The following DCHS1 variants were observed in gnomAD, a reference collection of about 807,000 sequenced individuals.
DCHS1 encodes dachsous cadherin-related 1.
In DCHS1, 78 loss-of-function variants were observed where a neutral mutation model predicts 213.9. The ratio of observed to expected loss-of-function variants is 0.36; its 90% CI spans 0.30 to 0.44. The LOEUF is 0.44. Ranked by LOEUF, DCHS1 falls within the 20% of genes least tolerant of loss-of-function variation. The pLI is 1.00. For synonymous variants in DCHS1, 1,828 were observed against 1,873.7 expected (o/e 0.98, Z 0.63); for missense variants, 3,946 against 4,395.9 (o/e 0.90, Z 2.89).
chr11:6,629,582 G>A lies in DCHS1; in HGVS notation c.5036-5C>T. ...AAGTCACTTGCCCGTTGGCCCCTGAGGAGGGGCAGCATGGAGGGCGATCAG... is the reference window on the plus strand; with the variant it reads ...AAGTCACTTGCCCGTTGGCCCCTGAAGAGGGGCAGCATGGAGGGCGATCAG... On this transcript the variant is annotated splice_polypyrimidine_tract_variant and splice_region_variant and intron_variant, in intron 11 of 20. Coordinates refer to ENST00000299441, the MANE Select transcript of DCHS1 (RefSeq NM_003737.4). 6.2e-7 allele frequency: 1 copy of A among 1,613,694 alleles called. No homozygotes were observed. The highest frequency in any genetic ancestry group is 8.5e-7 in the Non-Finnish European group (1 of 1,179,764).
Position 6,641,773 on chromosome 11 carries a change from G to A in DCHS1, c.-120-40C>T, listed in dbSNP as rs1856079589. 7.1e-7 allele frequency: 1 copy of A among 1,416,958 alleles called. No homozygotes were observed. The highest frequency in any genetic ancestry group is 2.5e-5 in the East Asian group (1 of 39,782). The allele number at this position is 1,416,958 out of a possible 1,614,324, so 87.8% of individuals were successfully genotyped here. A position where few individuals can be genotyped will look rare whatever the true frequency, so the allele number is the denominator to read the frequency against. On this transcript the variant is annotated intron_variant, in intron 1 of 20. Coordinates refer to ENST00000299441, the MANE Select transcript of DCHS1 (RefSeq NM_003737.4). This position sits in a 1 kb window ranked among gnomAD's most constrained non-coding sequence, Gnocchi z 7.1. ...AAGGAAACGGGTCATGACAGAGGAG[G>A]GATCAGCAGTCCAGATAACCTGGAC...
rs143141109 is a variant in DCHS1, at chr11:6,641,393, G to C, written c.221C>G (p.Ala74Gly). The C allele has an allele frequency of 1.1e-5, 17 of 1,613,042 alleles. No homozygotes were observed. The highest frequency in any genetic ancestry group is 1.4e-5 in the Non-Finnish European group (16 of 1,179,782). The change falls in exon 2 of 21, where the codon GCT becomes GGT. Residue 74 changes from alanine to glycine, a missense_variant. By Grantham distance (60) the Ala-to-Gly change is moderately conservative. Around this residue, in one of 3 missense-constraint regions of DCHS1, gnomAD observed 3,384 missense variants for 3,780.1 expected, o/e 0.90. Coordinates refer to ENST00000299441, the MANE Select transcript of DCHS1 (RefSeq NM_003737.4). This position sits in a 1 kb window ranked among gnomAD's most constrained non-coding sequence, Gnocchi z 7.1. ...ISAGLPAGTA[A>G]PLMYFISAQE... ...GGCAGAGATGAAGTACATGAGAGGAGCTGCCGTGCCTGCCGGAAGCCCCGC... is the reference window on the plus strand; with the variant it reads ...GGCAGAGATGAAGTACATGAGAGGACCTGCCGTGCCTGCCGGAAGCCCCGC...
rs1490263935 is a variant in DCHS1, at chr11:6,623,786, G to A, written c.7890C>T (p.Asp2630=). ...AACGCACGAGGCCATGAGGGCCAGG[G>A]TCAGCGTCAGAGGCCTCTACATGCA... is the stretch of plus-strand genomic sequence containing the variant. The part of the protein sequence containing the change: ...ELLHVEASDA[D]PGPHGLVRFT... The change falls in exon 21 of 21, where the codon GAC becomes GAT. Residue 2630 remains aspartate, a synonymous_variant. Coordinates refer to ENST00000299441, the MANE Select transcript of DCHS1 (RefSeq NM_003737.4). 2 of 1,614,022 alleles carry A rather than the reference G, an allele frequency of 1.2e-6. No individual in the cohort carries two copies. Among genetic ancestry groups the A allele is most frequent in the Non-Finnish European group, 1.7e-6 (2 of 1,179,894 alleles).
chr11:6,655,450 T>A, intron 1 of DCHS1, 113 bp downstream of exon 1: 12 of 578,296 alleles, frequency 2.1e-5, no homozygotes, highest in Non-Finnish European at 2.6e-5. Context: ...CCCTCCCCCA[T>A]TGTCTCCGGC....
chr11:6,626,227 C>T lies in DCHS1; in HGVS notation c.6518G>A (p.Arg2173Gln), dbSNP rs1421303940. Residue 2173 changes from arginine (R) to glutamine (Q), a missense_variant, in exon 16 of 21, where the codon CGG becomes CAG. By Grantham distance (43) the Arg-to-Gln change is conservative (BLOSUM62 1). Around this residue, in one of 3 missense-constraint regions of DCHS1, gnomAD observed 3,384 missense variants for 3,780.1 expected, o/e 0.90. Transcript: ENST00000299441. This position sits in a 1 kb window ranked among gnomAD's most constrained non-coding sequence, Gnocchi z 5.2. The part of the protein sequence containing the change: ...DANDNAPRFL[R>Q]PHYVAFLPES... Reference sequence around the variant, plus strand: ...AGGAAGGAAGGCCACATAATGGGGCCGCAGGAAACGGGGAGCATTGTCGTT... The same window carrying T: ...AGGAAGGAAGGCCACATAATGGGGCTGCAGGAAACGGGGAGCATTGTCGTT... The T allele has an allele frequency of 9.3e-6, 15 of 1,611,756 alleles. No homozygotes were observed. Among genetic ancestry groups the T allele is most frequent in the East Asian group, 2.2e-5 (1 of 44,828 alleles).
Position 6,633,524 on chromosome 11 carries a change from C to G in DCHS1, c.2343G>C (p.Val781=). The change falls in exon 5 of 21, where the codon GTG becomes GTC. Residue 781 remains valine, a synonymous_variant. Transcript: ENST00000299441. ...EPSARVDISI[V]PGTPTPPIFE... Reference sequence around the variant, plus strand: ...ATATGGGTGGTGTGGGGGTTCCAGGCACAATGCTGATGTCCACTCGGGCAC... The same window carrying G: ...ATATGGGTGGTGTGGGGGTTCCAGGGACAATGCTGATGTCCACTCGGGCAC... 1 of 1,586,136 alleles carries G rather than the reference C, an allele frequency of 6.3e-7. No homozygotes were observed.
intron 1 of DCHS1, among the ~76,000 whole-genome samples, chr11:6,649,420 T>C (rs1223418484): frequency 3.3e-5 from 5 of 151,238 alleles, no homozygotes; most frequent in Admixed American, 2.0e-4. Flanking sequence ...GTTGAGACAA[T>C]TGTCAGTCCA....
At position 6,640,326 on chromosome 11, in the gene DCHS1, G is replaced by A. The variant is rs1392148439; in HGVS notation, c.1288C>T (p.Leu430=). 1.2e-6 allele frequency: 2 copies of A among 1,609,102 alleles called. No homozygotes were observed. Among genetic ancestry groups the A allele is most frequent in the Non-Finnish European group, 1.7e-6 (2 of 1,177,822 alleles). ...VIYLVCVARR[L]DREERDAYNL... is the part of the protein sequence containing the mutation. ...TAGGCATCCCTCTCCTCTCGATCCA[G>A]CCGCCGAGCCACACACACCAGATAG... is the stretch of plus-strand genomic sequence containing the variant. Residue 430 remains leucine (L), a synonymous_variant, in exon 2 of 21, where the codon CTG becomes TTG. Transcript: ENST00000299441. The surrounding 1 kb of genome is among the most constrained non-coding windows in gnomAD (Gnocchi z 6.5).
Position 6,627,312 on chromosome 11 carries a change from T to A in DCHS1, c.5727A>T (p.Gly1909=). Reference sequence around the variant, plus strand: ...CCAAGGCTGCAGCTGTGCGCAGTTCTCCAGAGCTGGGCTCCAGCAGGAAGG... The same window carrying A: ...CCAAGGCTGCAGCTGTGCGCAGTTCACCAGAGCTGGGCTCCAGCAGGAAGG... ...AGAFLLEPSS[G]ELRTAAALDR... is the part of the protein sequence containing the mutation. Residue 1909 remains glycine (G), a synonymous_variant, in exon 14 of 21, where the codon GGA becomes GGT. Transcript: ENST00000299441. The surrounding 1 kb of genome is among the most constrained non-coding windows in gnomAD (Gnocchi z 5.4). 1.2e-6 allele frequency: 2 copies of A among 1,611,542 alleles called. No individual in the cohort carries two copies. The highest frequency in any genetic ancestry group is 2.2e-5 in the South Asian group (2 of 90,762).
At position 6,655,784 on chromosome 11, in the gene DCHS1, G is replaced by T. The variant is rs1232676077; in HGVS notation, c.-342C>A. On this transcript the variant is annotated 5_prime_UTR_variant, in exon 1 of 21. Coordinates refer to ENST00000299441, the MANE Select transcript of DCHS1 (RefSeq NM_003737.4). ...CCCGGGCGCCGCCTCCTGCACAGCCGCCCCGCCGAGGATGCGAGCTCCGCT... is the reference window on the plus strand; with the variant it reads ...CCCGGGCGCCGCCTCCTGCACAGCCTCCCCGCCGAGGATGCGAGCTCCGCT... 5 of 971,922 alleles carry T rather than the reference G, an allele frequency of 5.1e-6. No individual in the cohort carries two copies. The allele number at this position is 971,922 out of a possible 1,614,324, so 60.2% of individuals were successfully genotyped here.
At position 6,624,623 on chromosome 11, in the gene DCHS1, G is replaced by T. The variant is rs757260564; in HGVS notation, c.7285+107C>A. 2.6e-6 allele frequency: 4 copies of T among 1,520,696 alleles called. No individual in the cohort carries two copies. In the African/African-American group the frequency reaches 4.1e-5, roughly 16 times the overall value. 94.2% of individuals were successfully genotyped at this position (1,520,696 alleles called of 1,614,324 possible). On this transcript the variant is annotated intron_variant, in intron 20 of 20. Transcript: ENST00000299441. The stretch of plus-strand genomic sequence containing the variant: ...AGAGGGGAGGAAATGTCCTCCCTAG[G>T]CCAGAGATCCAGGAGTTAAAGAGTT...
rs781399560 is a variant in DCHS1, at chr11:6,627,291, G to A, written c.5748C>T (p.Ala1916=). Reference sequence around the variant, plus strand: ...AGCTGGGACACTGTTCTCTGTCCAAGGCTGCAGCTGTGCGCAGTTCTCCAG... The same window carrying A: ...AGCTGGGACACTGTTCTCTGTCCAAAGCTGCAGCTGTGCGCAGTTCTCCAG... ...PSSGELRTAA[A]LDREQCPSYT... Residue 1916 remains alanine (A), a synonymous_variant, in exon 14 of 21, where the codon GCC becomes GCT. Transcript: ENST00000299441. The surrounding 1 kb of genome is among the most constrained non-coding windows in gnomAD (Gnocchi z 5.4). 4.3e-6 allele frequency: 7 copies of A among 1,612,844 alleles called. No homozygotes were observed. In the South Asian group the frequency reaches 7.7e-5, roughly 18 times the overall value.
Position 6,626,356 on chromosome 11 carries a change from T to C in DCHS1, c.6389A>G (p.Glu2130Gly). 1 of 1,613,506 alleles carries C rather than the reference T, an allele frequency of 6.2e-7. No individual in the cohort carries two copies. The highest frequency in any genetic ancestry group is 2.2e-5 in the East Asian group (1 of 44,856). The stretch of plus-strand genomic sequence containing the variant: ...TGGACTCACCTCGAAGTCTAGCCCC[T>C]CTGCTGAGCGAACTGTGATGGCACC... ...STGAITVRSA[E>G]GLDFEVSPRL... Residue 2130 changes from glutamate to glycine, a missense_variant, in exon 16 of 21, where the codon GAG becomes GGG. By Grantham distance (98) the Glu-to-Gly change is moderately conservative. Transcript: ENST00000299441. This position sits in a 1 kb window ranked among gnomAD's most constrained non-coding sequence, Gnocchi z 5.2.
In DCHS1 at chr11:6,632,209, G is replaced by A. The variant is rs746133750; in HGVS notation, c.3303C>T (p.His1101=). ...TGGGATCCTCAGACAAGCGGGGACT[G>A]TGTTCATTCTGGTTGAGGATGCTGA... ...VRVSILNQNE[H]SPRLSEDPTF... The change falls in exon 6 of 21, where the codon CAC becomes CAT. Residue 1101 remains histidine, a synonymous_variant. Coordinates refer to ENST00000299441, the MANE Select transcript of DCHS1 (RefSeq NM_003737.4). This position sits in a 1 kb window ranked among gnomAD's most constrained non-coding sequence, Gnocchi z 5.9. 2.5e-6 allele frequency: 4 copies of A among 1,611,958 alleles called. No individual in the cohort carries two copies. The East Asian group carries it at 8.9e-5, about 36-fold the overall frequency.
Position 6,633,577 on chromosome 11 carries a change from C to T in DCHS1, c.2290G>A (p.Asp764Asn), listed in dbSNP as rs142611314. 1.1e-5 allele frequency: 17 copies of T among 1,594,170 alleles called. No homozygotes were observed. The highest frequency in any genetic ancestry group is 1.5e-5 in the Non-Finnish European group (17 of 1,170,252). Residue 764 changes from aspartate (D) to asparagine (N), a missense_variant, in exon 5 of 21, where the codon GAC becomes AAC. By Grantham distance (23) the Asp-to-Asn change is conservative. Transcript: ENST00000299441. ...GGTTCTGCCTGTAGGCCACCTCCGT[C>T]CTCAGCCCCGATCTCCAGCTGCACC... ...SVVQLEIGAE[D>N]GGGLQAEPSA...
intron 1 of DCHS1, among the ~76,000 whole-genome samples, chr11:6,647,858 G>A (rs545563401): frequency 1.3e-5 from 2 of 152,314 alleles, no homozygotes; most frequent in South Asian, 4.1e-4. Context: ...AGAATCTGGA[G>A]GAGAGAGGTG....
At chr11:6,639,068 C>T (rs1856026074) in intron 2 of DCHS1, among the ~76,000 whole-genome samples, 1 of 151,678 alleles carries the variant, frequency 6.6e-6, no homozygotes, top group Non-Finnish European at 1.5e-5. Flanking sequence ...CCAGATCATG[C>T]CACCGCACTC....
At chr11:6,652,325 T>A (rs1856256039) in intron 1 of DCHS1, among the ~76,000 whole-genome samples, 1 of 151,958 alleles carries the variant, frequency 6.6e-6, no homozygotes, top group African/African-American at 2.4e-5. Flanking sequence ...GCAGAAGAGA[T>A]GTTACTTTCT....
At position 6,627,320 on chromosome 11, in the gene DCHS1, T is replaced by C; in HGVS notation, c.5719A>G (p.Ser1907Gly). Residue 1907 changes from serine to glycine, a missense_variant, in exon 14 of 21, where the codon AGC becomes GGC. This residue lies in a region of DCHS1 where 3,384 missense variants were observed against 3,780.1 expected (regional missense o/e 0.90). Transcript: ENST00000299441. The surrounding 1 kb of genome is among the most constrained non-coding windows in gnomAD (Gnocchi z 5.4). ...GCAGCTGTGCGCAGTTCTCCAGAGC[T>C]GGGCTCCAGCAGGAAGGCTCCTGCT... is the stretch of plus-strand genomic sequence containing the variant. ...GTAGAFLLEP[S>G]SGELRTAAAL... The C allele has an allele frequency of 6.2e-7, 1 of 1,610,956 alleles. No homozygotes were observed. The highest frequency in any genetic ancestry group is 8.5e-7 in the Non-Finnish European group (1 of 1,178,702).
Sources: allele counts gnomAD v4.1 joint callset (sites outside exome capture counted in the v4.1 genomes callset), GRCh38; gene constraint gnomAD v4.1.1; regional missense constraint gnomAD v4.1.1; non-coding constraint Gnocchi (gnomAD v3.1); transcripts MANE v1.5; gene names NCBI Gene and HGNC (gene_info 2026-07-23, HGNC 2026-07-21).